Variants in TTC14 observed in about 807,000 individuals in gnomAD.
TTC14 encodes the protein tetratricopeptide repeat protein 14.
TTC14 carries 63 observed loss-of-function variants against 79.9 expected under a neutral mutation model. That is an observed-to-expected ratio of 0.79 (90% CI 0.64 to 0.97). TTC14 has a LOEUF of 0.97. TTC14 is among the 50% of genes least tolerant of loss of function. TTC14 has a pLI of 0.00. For synonymous variants in TTC14, 335 were observed against 309.6 expected, an observed-to-expected ratio of 1.08 and a Z score of -0.86; for missense variants, 895 against 894.0, an observed-to-expected ratio of 1.00 and a Z score of -0.01.
Position 180,610,484 on chromosome 3 carries a change from A to G in TTC14, c.2255A>G (p.Asn752Ser). 3 of 1,599,470 alleles carry G rather than the reference A, an allele frequency of 1.9e-6. No homozygotes were observed. Among genetic ancestry groups the G allele is most frequent in the Non-Finnish European group, 2.6e-6 (3 of 1,176,352 alleles). ...VKKNLPQNLL[N>S]IFNQIAEFEK... ...AAAAATTTACCTCAGAATTTACTGA[A>G]TATATTTAATCAGATAGCTGAATTT... Residue 752 changes from asparagine (N) to serine (S), a missense_variant, in exon 12 of 12, where the codon AAT (asparagine) becomes AGT (serine). Coordinates refer to ENST00000296015, the MANE Select transcript of TTC14 (RefSeq NM_133462.4).
At chr3:180,613,253 A>AGAT (rs1304268436), downstream of TTC14, among the ~76,000 whole-genome samples, 11 of 152,224 alleles carry the variant, frequency 7.2e-5, no homozygotes, top group African/African-American at 2.7e-4. Flanking sequence ...ATTTTTCTCA[A>AGAT]GATCATATAT....
chr3:180,610,223 C>T lies in TTC14; in HGVS notation c.1994C>T (p.Ser665Phe), dbSNP rs1407056336. 1.9e-6 allele frequency: 3 copies of T among 1,613,998 alleles called. No homozygotes were observed. The highest frequency in any genetic ancestry group is 2.5e-6 in the Non-Finnish European group (3 of 1,179,942). Residue 665 changes from serine to phenylalanine, a missense_variant, in exon 12 of 12, where the codon TCT (serine) becomes TTT (phenylalanine). Transcript: ENST00000296015. Reference protein sequence around the residue: ...KEHYRRWEPGSVRHSTSPASS... With the variant: ...KEHYRRWEPGFVRHSTSPASS... ...CACTATAGAAGGTGGGAACCAGGTT[C>T]TGTGAGGCATTCTACCTCACCAGCA...
chr3:180,607,302 A>G (rs1217137802), intron 9 of TTC14, among the ~76,000 whole-genome samples: 2 of 152,164 alleles, frequency 1.3e-5, no homozygotes, highest in African/African-American at 4.8e-5. Flanking sequence ...TTTTCTGTAG[A>G]TAATTTTTCA....
In TTC14 at chr3:180,607,690, T is replaced by C; in HGVS notation, c.1215T>C (p.Tyr405=). 1 of 1,610,722 alleles carries C rather than the reference T, an allele frequency of 6.2e-7. No homozygotes were observed. Among genetic ancestry groups the C allele is most frequent in the Non-Finnish European group, 8.5e-7 (1 of 1,178,808 alleles). Reference sequence around the variant, plus strand: ...AGTTTTTAAATGCTGAAAGTTACTATAAGAAAGCTTTGGCTTTGGATGAGA... The same window carrying C: ...AGTTTTTAAATGCTGAAAGTTACTACAAGAAAGCTTTGGCTTTGGATGAGA... ...EEKFLNAESY[Y]KKALALDETF... Residue 405 remains tyrosine (Y), a synonymous_variant, in exon 10 of 12, where the codon TAT becomes TAC. Coordinates refer to ENST00000296015, the MANE Select transcript of TTC14 (RefSeq NM_133462.4).
rs546714396 is a variant in TTC14 at position 180,610,209 on chromosome 3, G to C, written c.1980G>C (p.Arg660Ser). 1 of 1,613,870 alleles carries C rather than the reference G, an allele frequency of 6.2e-7. No individual in the cohort carries two copies. The highest frequency in any genetic ancestry group is 1.3e-5 in the African/African-American group (1 of 74,916). The change falls in exon 12 of 12, where the codon AGG becomes AGC. Residue 660 changes from arginine (R) to serine (S), a missense_variant. Arg to Ser is a moderately radical substitution (Grantham distance 110). Transcript: ENST00000296015. ...AGGGAAGAAAAGAGCACTATAGAAGGTGGGAACCAGGTTCTGTGAGGCATT... is the reference window on the plus strand; with the variant it reads ...AGGGAAGAAAAGAGCACTATAGAAGCTGGGAACCAGGTTCTGTGAGGCATT... ...DIEGRKEHYR[R>S]WEPGSVRHST...
chr3:180,602,707 T>G, intron 1 of TTC14, 184 bp from the exon 2 acceptor site: 3 of 773,158 alleles, frequency 3.9e-6, no homozygotes, highest in Non-Finnish European at 5.9e-6. Context: ...CTTTTTAAGT[T>G]TCCCCGCTCT....
At chr3:180,609,461 A>G (rs372487185) in intron 11 of TTC14, 169 bp from the exon 12 acceptor site, 2 of 1,300,334 alleles carry the variant, frequency 1.5e-6, no homozygotes, top group Non-Finnish European at 1.9e-6. Context: ...TTTTTCCCCC[A>G]AAAGTGCTTA....
rs761556542 is a variant in TTC14, at chr3:180,603,087, AC to A, written c.287-36del. ...TACTTCAGGTGAAACGGAACTCAAAACTATCGTTAGTGATTTTGTTAATTTT... is the reference window on the plus strand; with the variant it reads ...TACTTCAGGTGAAACGGAACTCAAAATATCGTTAGTGATTTTGTTAATTTT... On this transcript the variant is annotated intron_variant, in intron 2 of 11. Coordinates refer to ENST00000296015, the MANE Select transcript of TTC14 (RefSeq NM_133462.4). The A allele has an allele frequency of 2.5e-6, 4 of 1,610,988 alleles. No homozygotes were observed. The African/African-American group carries it at 5.4e-5, about 22-fold the overall frequency.
chr3:180,608,791 C>T lies in TTC14; in HGVS notation c.1381C>T (p.Leu461Phe). Reference protein sequence around the residue: ...IETSAEKLRKLLKEEKRLKKK... With the variant: ...IETSAEKLRKFLKEEKRLKKK... ...AACAAGTGCAGAAAAGTTGCGTAAG[C>T]TCTTAAAAGAAGAGAAGAGGTAAAC... Residue 461 changes from leucine to phenylalanine, a missense_variant, in exon 11 of 12, where the codon CTC (leucine) becomes TTC (phenylalanine). Coordinates refer to ENST00000296015, the MANE Select transcript of TTC14 (RefSeq NM_133462.4). 1.3e-6 allele frequency: 2 copies of T among 1,546,262 alleles called. No homozygotes were observed. The highest frequency in any genetic ancestry group is 1.3e-5 in the South Asian group (1 of 79,712).
In TTC14 at chr3:180,609,793, A is replaced by G. The variant is rs1162009996; in HGVS notation, c.1564A>G (p.Arg522Gly). ...SSRSSRRHSS[R>G]ASSNQIDQNR... Reference sequence around the variant, plus strand: ...TCGCAGTTCCAGAAGGCATTCATCTAGGGCATCCTCAAATCAGATAGATCA... The same window carrying G: ...TCGCAGTTCCAGAAGGCATTCATCTGGGGCATCCTCAAATCAGATAGATCA... Residue 522 changes from arginine to glycine, a missense_variant, in exon 12 of 12, where the codon AGG becomes GGG. Arg to Gly is a moderately radical substitution (Grantham distance 125). Coordinates refer to ENST00000296015, the MANE Select transcript of TTC14 (RefSeq NM_133462.4). The G allele has an allele frequency of 6.2e-7, 1 of 1,613,942 alleles. No individual in the cohort carries two copies. Among genetic ancestry groups the G allele is most frequent in the South Asian group, 1.1e-5 (1 of 91,052 alleles).
Position 180,609,631 on chromosome 3 carries a change from C to G in TTC14, c.1402C>G (p.Leu468Val), listed in dbSNP as rs1273509336. 6.5e-7 allele frequency: 1 copy of G among 1,542,950 alleles called. No individual in the cohort carries two copies. The highest frequency in any genetic ancestry group is 2.3e-5 in the East Asian group (1 of 44,342). The change falls in exon 12 of 12, where the codon CTA (leucine) becomes GTA (valine). Residue 468 changes from leucine (L) to valine (V), a missense_variant and splice_region_variant. Physicochemically the swap from Leu to Val is conservative, Grantham distance 32 (BLOSUM62 1). Transcript: ENST00000296015. ...TGACAAATGAACTGTTTTTTTTAGG[C>G]TAAAGAAGAAAAGAAGAAAATCAAC... ...LRKLLKEEKR[L>V]KKKRRKSTSS...
Position 180,609,990 on chromosome 3 carries a change from G to A in TTC14, c.1761G>A (p.Pro587=), listed in dbSNP as rs745311131. ...TCTCTTCATCTTCACTTGAAATACCGGATGATTTTGGAGGTAGGTCTGAAG... is the reference window on the plus strand; with the variant it reads ...TCTCTTCATCTTCACTTGAAATACCAGATGATTTTGGAGGTAGGTCTGAAG... ...CPLSSSSLEI[P]DDFGGRSEDP... is the part of the protein sequence containing the mutation. The change falls in exon 12 of 12, where the codon CCG becomes CCA. Residue 587 remains proline (P), a synonymous_variant. Coordinates refer to ENST00000296015, the MANE Select transcript of TTC14 (RefSeq NM_133462.4). 12 of 1,613,876 alleles carry A rather than the reference G, an allele frequency of 7.4e-6. No homozygotes were observed. Among genetic ancestry groups the A allele is most frequent in the African/African-American group, 2.7e-5 (2 of 74,904 alleles).
chr3:180,603,526 A>T (rs776514067), intron 3 of TTC14: 1 of 560,692 alleles, frequency 1.8e-6, no homozygotes, highest in East Asian at 3.2e-5. Context: ...GGGATTTTTT[A>T]AATTTAAACT....
At chr3:180,607,518 ATTTTATTTT>A in intron 9 of TTC14, 121 bp from the exon 10 acceptor site, 1 of 1,315,162 alleles carries the variant, frequency 7.6e-7, no homozygotes, top group Non-Finnish European at 9.8e-7. Context: ...TTATTTTGGT[ATTTTATTTT>A]GGAAAATAAT....
At chr3:180,604,698 AG>A in intron 5 of TTC14, 91 bp downstream of exon 5, 8 of 1,469,390 alleles carry the variant, frequency 5.4e-6, no homozygotes, top group Non-Finnish European at 7.3e-6. Flanking sequence ...AAATTACTTC[AG>A]ACTTGGTAAA....
chr3:180,615,008 G>A, downstream of TTC14: 1 of 1,561,360 alleles, frequency 6.4e-7, no homozygotes, highest in Non-Finnish European at 8.7e-7. Flanking sequence ...GTGAAGAGGA[G>A]GCCGGGAATT....
chr3:180,604,498 A>G lies in TTC14; in HGVS notation c.592A>G (p.Arg198Gly). ...IIRAGIKDID[R>G]YHEKLAVSLY... ...TTAAGCTGGAATCAAGGATATTGACAGATACCATGAAAAGCTAGCAGTATC... is the reference window on the plus strand; with the variant it reads ...TTAAGCTGGAATCAAGGATATTGACGGATACCATGAAAAGCTAGCAGTATC... The change falls in exon 5 of 12, where the codon AGA becomes GGA. Residue 198 changes from arginine (R) to glycine (G), a missense_variant. Arg to Gly is a moderately radical substitution (Grantham distance 125, BLOSUM62 -2). Coordinates refer to ENST00000296015, the MANE Select transcript of TTC14 (RefSeq NM_133462.4). 1 of 1,602,252 alleles carries G rather than the reference A, an allele frequency of 6.2e-7. No homozygotes were observed. Among genetic ancestry groups the G allele is most frequent in the South Asian group, 1.1e-5 (1 of 87,552 alleles).
At position 180,610,227 on chromosome 3, in the gene TTC14, G is replaced by A; in HGVS notation, c.1998G>A (p.Val666=). ...EHYRRWEPGS[V]RHSTSPASSE... is the part of the protein sequence containing the mutation. ...ATAGAAGGTGGGAACCAGGTTCTGT[G>A]AGGCATTCTACCTCACCAGCAAGCT... is the stretch of plus-strand genomic sequence containing the variant. The change falls in exon 12 of 12, where the codon GTG becomes GTA. Residue 666 remains valine, a synonymous_variant. Transcript: ENST00000296015. The A allele has an allele frequency of 1.9e-6, 3 of 1,614,024 alleles. No individual in the cohort carries two copies. Among genetic ancestry groups the A allele is most frequent in the Non-Finnish European group, 2.5e-6 (3 of 1,179,936 alleles).
intron 6 of TTC14, 183 bp downstream of exon 6, chr3:180,605,190 G>A: frequency 1.3e-5 from 6 of 470,000 alleles, no homozygotes; most frequent in Non-Finnish European, 2.2e-5. Flanking sequence ...ATTAATATGT[G>A]TACCATGTAA....
Sources: gnomAD v4.1 joint callset for allele counts (sites outside exome capture counted in the v4.1 genomes callset) on GRCh38, gnomAD v4.1.1 for gene constraint, MANE v1.5 for transcripts, NCBI Gene and HGNC (gene_info 2026-07-23, HGNC 2026-07-21) for gene names.